Variants in CAMSAP2 observed in about 807,000 individuals in gnomAD.
The protein encoded by CAMSAP2 is calmodulin regulated spectrin associated protein family member 2.
A neutral mutation model predicts 146.1 loss-of-function variants in CAMSAP2; 26 were observed. The observed-to-expected ratio is 0.18, with a 90% CI of 0.13 to 0.25. The LOEUF is 0.25. Among genes scored for constraint, CAMSAP2 ranks in the 10% least tolerant of loss-of-function variants. The pLI, the probability that CAMSAP2 is intolerant of heterozygous loss-of-function variation, is 1.00. For synonymous variants in CAMSAP2, 499 were observed against 596.6 expected, an observed-to-expected ratio of 0.84 and a Z score of 2.38; for missense variants, 1,381 against 1,759.3, an observed-to-expected ratio of 0.78 and a Z score of 3.85.
At chr1:200,786,416 C>G (rs537852468) in intron 2 of CAMSAP2, among the ~76,000 whole-genome samples, 1 of 150,282 alleles carries the variant, frequency 6.7e-6, no homozygotes, top group African/African-American at 2.5e-5. Context: ...TGGAGTCTTG[C>G]TCTGTCGCCC....
intron 2 of CAMSAP2, among the ~76,000 whole-genome samples, chr1:200,780,000 G>A (rs759650543): frequency 3.3e-5 from 5 of 152,042 alleles, no homozygotes; most frequent in Non-Finnish European, 7.4e-5. Context: ...GGTACCATGT[G>A]TCTATAATAA....
chr1:200,841,956 T>G (rs1193890383), intron 6 of CAMSAP2, 38 bp from the exon 7 acceptor site: 1 of 1,394,136 alleles, frequency 7.2e-7, no homozygotes, highest in East Asian at 2.3e-5. Context: ...TCATGAAGTT[T>G]TACCTAATGT....
At chr1:200,776,696 C>G (rs990813763) in intron 2 of CAMSAP2, among the ~76,000 whole-genome samples, 43 of 151,872 alleles carry the variant, frequency 2.8e-4, no homozygotes, top group Admixed American at 2.7e-3. Context: ...TGCACTCCAG[C>G]CTGGGCAACA....
Position 200,856,084 on chromosome 1 carries a change from C to T in CAMSAP2, c.3971C>T (p.Ala1324Val). Residue 1324 changes from alanine to valine, a missense_variant, in exon 15 of 17, where the codon GCA becomes GTA. Ala to Val is a moderately conservative substitution (Grantham distance 64, BLOSUM62 0). Around this residue, in one of 4 missense-constraint regions of CAMSAP2, gnomAD observed 560 missense variants for 715.9 expected, o/e 0.78. Coordinates refer to ENST00000358823, the MANE Select transcript of CAMSAP2 (RefSeq NM_203459.4). ...SRNGEKDWEN[A>V]STTSSVASGT... is the part of the protein sequence containing the mutation. ...AATGGAGAAAAAGACTGGGAGAATG[C>T]ATCAACAACTTCTTCAGTGGCTTCT... 1 of 1,613,770 alleles carries T rather than the reference C, an allele frequency of 6.2e-7. No individual in the cohort carries two copies. The highest frequency in any genetic ancestry group is 8.5e-7 in the Non-Finnish European group (1 of 1,179,672).
At chr1:200,740,898 A>C (rs537752869) in intron 1 of CAMSAP2, among the ~76,000 whole-genome samples, 1 of 152,352 alleles carries the variant, frequency 6.6e-6, no homozygotes, top group Non-Finnish European at 1.5e-5. Flanking sequence ...AACTTTTAAG[A>C]GTAATTTTAC....
At chr1:200,820,831 G>T (rs943595431) in intron 4 of CAMSAP2, among the ~76,000 whole-genome samples, 3 of 152,072 alleles carry the variant, frequency 2.0e-5, no homozygotes, top group South Asian at 2.1e-4. Context: ...AAACATTTTT[G>T]ATCTTTGAAC....
chr1:200,857,951 A>G lies in CAMSAP2; in HGVS notation c.4329A>G (p.Ile1443Met), dbSNP rs1187447888. 6.2e-7 allele frequency: 1 copy of G among 1,613,736 alleles called. No individual in the cohort carries two copies. The highest frequency in any genetic ancestry group is 8.5e-7 in the Non-Finnish European group (1 of 1,179,846). The change falls in exon 17 of 17, where the codon ATA (isoleucine) becomes ATG (methionine). Residue 1443 changes from isoleucine (I) to methionine (M), a missense_variant. Coordinates refer to ENST00000358823, the MANE Select transcript of CAMSAP2 (RefSeq NM_203459.4). This position sits in a 1 kb window ranked among gnomAD's most constrained non-coding sequence, Gnocchi z 4.7. ...YNSDRKQFSH[I>M]PAKTLSASVD... ...CTGACAGGAAACAGTTTAGCCACAT[A>G]CCCGCTAAAACTTTATCTGCCAGTG...
In CAMSAP2 at chr1:200,742,685, C is replaced by G. The variant is rs576858638; in HGVS notation, c.139+2719C>G. ...TGATTTACTAAAATCACTCCTTTAA[C>G]AATGACTTACAGGGTCTTCAGGCAC... is the stretch of plus-strand genomic sequence containing the variant. On this transcript the variant is annotated intron_variant, in intron 1 of 16. Transcript: ENST00000358823. 3.3e-5 allele frequency among the ~76,000 whole-genome samples: 5 copies of G among 152,280 alleles called. No individual in the cohort carries two copies. The East Asian group carries it at 9.6e-4, about 29-fold the overall frequency.
At chr1:200,783,402 G>A (rs1665494687) in intron 2 of CAMSAP2, among the ~76,000 whole-genome samples, 1 of 152,006 alleles carries the variant, frequency 6.6e-6, no homozygotes, top group South Asian at 2.1e-4. Flanking sequence ...TATTACTGTA[G>A]GAGTTATTTA....
intron 2 of CAMSAP2, among the ~76,000 whole-genome samples, chr1:200,794,234 TAC>T (rs549390659): frequency 1.3e-5 from 2 of 152,234 alleles, no homozygotes; most frequent in Non-Finnish European, 2.9e-5. Flanking sequence ...CATTTTGCCA[TAC>T]AGTTGACCCT....
intron 2 of CAMSAP2, among the ~76,000 whole-genome samples, chr1:200,789,800 T>C (rs188989314): frequency 0.012 from 1,834 of 152,134 alleles, 35 homozygotes; most frequent in African/African-American, 0.042. Context: ...ACATGGACTC[T>C]CCATTTATTT....
rs1667790493 is a variant in CAMSAP2 at position 200,858,042 on chromosome 1, T to C, written c.4420T>C (p.Leu1474=). 3 of 1,594,252 alleles carry C rather than the reference T, an allele frequency of 1.9e-6. No homozygotes were observed. Among genetic ancestry groups the C allele is most frequent in the East Asian group, 4.5e-5 (2 of 44,512 alleles). ...TKRPVTPKKL[L]PTKA is the part of the protein sequence containing the mutation. Reference sequence around the variant, plus strand: ...AAGACCAGTAACACCCAAAAAACTTTTACCCACTAAGGCATAGAAGTTGGG... The same window carrying C: ...AAGACCAGTAACACCCAAAAAACTTCTACCCACTAAGGCATAGAAGTTGGG... Residue 1474 remains leucine, a synonymous_variant, in exon 17 of 17, where the codon TTA becomes CTA. Coordinates refer to ENST00000358823, the MANE Select transcript of CAMSAP2 (RefSeq NM_203459.4).
Position 200,832,258 on chromosome 1 carries a change from A to C in CAMSAP2, c.704A>C (p.Glu235Ala), listed in dbSNP as rs1667062562. The change falls in exon 5 of 17, where the codon GAA becomes GCA. Residue 235 changes from glutamate (E) to alanine (A), a missense_variant. Physicochemically the swap from Glu to Ala is moderately radical, Grantham distance 107. Coordinates refer to ENST00000358823, the MANE Select transcript of CAMSAP2 (RefSeq NM_203459.4). This position sits in a 1 kb window ranked among gnomAD's most constrained non-coding sequence, Gnocchi z 4.2. ...LKQLPCIPLV[E>A]NLLKDGTDGC... Reference sequence around the variant, plus strand: ...CAACTGCCTTGCATTCCATTGGTAGAAAATTTGTTGAAGGATGGGACAGAT... The same window carrying C: ...CAACTGCCTTGCATTCCATTGGTAGCAAATTTGTTGAAGGATGGGACAGAT... The C allele has an allele frequency of 9.9e-6, 16 of 1,613,624 alleles. No individual in the cohort carries two copies. Among genetic ancestry groups the C allele is most frequent in the Non-Finnish European group, 1.4e-5 (16 of 1,179,776 alleles).
intron 2 of CAMSAP2, among the ~76,000 whole-genome samples, chr1:200,803,010 C>G (rs1329913795): frequency 6.6e-6 from 1 of 152,178 alleles, no homozygotes; most frequent in Admixed American, 6.5e-5. Context: ...CCAAGTAGCC[C>G]TCCTGCTTTT....
chr1:200,853,630 C>A lies in CAMSAP2; in HGVS notation c.3823+135C>A. Reference sequence around the variant, plus strand: ...ATTGTGCATGCTCCCTTTTGGAAAACCAAAATGAGCAAATGAAGTTTTTAA... The same window carrying A: ...ATTGTGCATGCTCCCTTTTGGAAAAACAAAATGAGCAAATGAAGTTTTTAA... On this transcript the variant is annotated intron_variant, in intron 13 of 16. Transcript: ENST00000358823. The surrounding 1 kb of genome is among the most constrained non-coding windows in gnomAD (Gnocchi z 5.1). 1 of 652,078 alleles carries A rather than the reference C, an allele frequency of 1.5e-6. No homozygotes were observed. Among genetic ancestry groups the A allele is most frequent in the South Asian group, 2.0e-5 (1 of 49,376 alleles). The allele number at this position is 652,078 out of a possible 1,614,324, so 40.4% of individuals were successfully genotyped here. A position where few individuals can be genotyped will look rare whatever the true frequency, so the allele number is the denominator to read the frequency against.
chr1:200,752,905 C>T (rs937479577), intron 1 of CAMSAP2, among the ~76,000 whole-genome samples: 1 of 152,042 alleles, frequency 6.6e-6, no homozygotes, highest in African/African-American at 2.4e-5. Flanking sequence ...GCGTGAGCCA[C>T]CGTGCCTGGC....
chr1:200,802,855 C>T (rs926598119), intron 2 of CAMSAP2, among the ~76,000 whole-genome samples: 1 of 152,158 alleles, frequency 6.6e-6, no homozygotes, highest in Non-Finnish European at 1.5e-5. Context: ...TTTGCTTAGA[C>T]TCCACTGGTT....
At chr1:200,807,833 C>T (rs1429000783) in intron 3 of CAMSAP2, among the ~76,000 whole-genome samples, 3 of 150,176 alleles carry the variant, frequency 2.0e-5, no homozygotes, top group Admixed American at 6.7e-5. Context: ...CTCCGCCCTT[C>T]AGGTTCTAGC....
At position 200,858,811 on chromosome 1, in the gene CAMSAP2, G is replaced by T. The variant is rs1241311123; in HGVS notation, c.*752G>T. 2 of 152,548 alleles carry T rather than the reference G, an allele frequency of 1.3e-5. No individual in the cohort carries two copies. The highest frequency in any genetic ancestry group is 2.9e-5 in the Non-Finnish European group (2 of 67,884). The allele number at this position is 152,548 out of a possible 1,614,324, so 9.4% of individuals were successfully genotyped here. A position where few individuals can be genotyped will look rare whatever the true frequency, so the allele number is the denominator to read the frequency against. ...AGAAGTTGCTGATTAAATCAGTGCT[G>T]TTTTTACACCACTTCTGGCCAACTC... On this transcript the variant is annotated 3_prime_UTR_variant, in exon 17 of 17. Transcript: ENST00000358823.
Sources: allele counts gnomAD v4.1 joint callset (sites outside exome capture counted in the v4.1 genomes callset), GRCh38; gene constraint gnomAD v4.1.1; regional missense constraint gnomAD v4.1.1; non-coding constraint Gnocchi (gnomAD v3.1); transcripts MANE v1.5; gene names NCBI Gene and HGNC (gene_info 2026-07-23, HGNC 2026-07-21).